KLRD1: variants seen among roughly 807,000 people sequenced by gnomAD.
KLRD1 encodes the protein natural killer cells antigen CD94.
Under a neutral mutation model 22.6 loss-of-function variants are expected in KLRD1, and 21 were observed. The observed-to-expected ratio is 0.93, with a 90% CI of 0.66 to 1.34. KLRD1 has a LOEUF of 1.34. Among genes scored for constraint, KLRD1 ranks in the 40% most tolerant of loss-of-function variants. The probability of loss-of-function intolerance (pLI) is 0.00; values close to 1 mark genes in which losing one functional copy is unlikely to be tolerated. For missense variants in KLRD1, 183 were observed against 208.6 expected (o/e 0.88, Z 0.76); for synonymous variants, 59 against 71.1 (o/e 0.83, Z 0.85).
At chr12:10,298,997 G>C (rs975564205) in intron 1 of KLRD1, among the ~76,000 whole-genome samples, 18 of 152,246 alleles carry the variant, frequency 1.2e-4, no homozygotes, top group Middle Eastern at 3.4e-3. Flanking sequence ...AGCTTACCCT[G>C]GTCCTGCCCC....
intron 1 of KLRD1, among the ~76,000 whole-genome samples, chr12:10,253,598 T>A (rs893851502): frequency 6.6e-6 from 1 of 152,150 alleles, no homozygotes; most frequent in Non-Finnish European, 1.5e-5. Flanking sequence ...GACCATGGTG[T>A]CTGTGATTTC....
chr12:10,239,518 CCTTTCTTTCTTTCTTTCTTT>C (rs55671846), intron 1 of KLRD1, among the ~76,000 whole-genome samples: 877 of 59,430 alleles, frequency 0.015, 14 homozygotes, highest in South Asian at 0.03. Context: ...CCTTCCCTCC[CCTTTCTTTCTTTCTTTCTTT>C]CTTTCTTTCT....
At chr12:10,239,480 TC>T (rs367758472) in intron 1 of KLRD1, among the ~76,000 whole-genome samples, 8 of 85,654 alleles carry the variant, frequency 9.3e-5, no homozygotes, top group East Asian at 2.8e-4. Flanking sequence ...CTTCCTTCCT[TC>T]CTTCTTCCTT....
intron 1 of KLRD1, among the ~76,000 whole-genome samples, chr12:10,267,572 CAT>C (rs1949511692): frequency 6.6e-6 from 1 of 152,120 alleles, no homozygotes; most frequent in Non-Finnish European, 1.5e-5. Flanking sequence ...TAATTATACA[CAT>C]GAGACTGGAA....
intron 1 of KLRD1, among the ~76,000 whole-genome samples, chr12:10,241,839 T>G (rs1285787254): frequency 6.6e-6 from 1 of 152,168 alleles, no homozygotes; most frequent in Non-Finnish European, 1.5e-5. Flanking sequence ...TTGTACTGTT[T>G]ACTAAAGTAC....
rs1238260930 is a variant in KLRD1 at position 10,322,781 on chromosome 12, A to G, written c.*7988A>G. 3.3e-5 allele frequency: 5 copies of G among 152,198 alleles called. No homozygotes were observed. The highest frequency in any genetic ancestry group is 1.2e-4 in the African/African-American group (5 of 41,458). 9.4% of individuals were successfully genotyped at this position (152,198 alleles called of 1,614,324 possible). A position where few individuals can be genotyped will look rare whatever the true frequency, so the allele number is the denominator to read the frequency against. On this transcript the variant is annotated 3_prime_UTR_variant, in exon 6 of 6. Transcript: ENST00000336164. ...CTTACACGATTACTACCAGATTGCA[A>G]TAGAGACTACCTACCACCACCAAGA...
At chr12:10,264,538 G>A (rs377014163) in intron 1 of KLRD1, among the ~76,000 whole-genome samples, 102 of 152,130 alleles carry the variant, frequency 6.7e-4, no homozygotes, top group African/African-American at 2.5e-3. Flanking sequence ...TTATCGAATT[G>A]TATTATTTTC....
intron 1 of KLRD1, among the ~76,000 whole-genome samples, chr12:10,260,941 C>T (rs1046939067): frequency 7.7e-6 from 1 of 129,156 alleles, no homozygotes; most frequent in Non-Finnish European, 1.6e-5. Context: ...GACTCCATCA[C>T]AAAAAACAAC....
rs969341523 is a variant in KLRD1, at chr12:10,315,000, A to T, written c.*207A>T. On this transcript the variant is annotated 3_prime_UTR_variant, in exon 6 of 6. Coordinates refer to ENST00000336164, the MANE Select transcript of KLRD1 (RefSeq NM_002262.5). ...CCTACATTTGAGAATTATAAAATTA[A>T]CATAAAGAATTTTGTATTTTCATTT... 13 of 392,496 alleles carry T rather than the reference A, an allele frequency of 3.3e-5. No individual in the cohort carries two copies. Among genetic ancestry groups the T allele is most frequent in the African/African-American group, 2.1e-4 (10 of 46,554 alleles). The allele number at this position is 392,496 out of a possible 1,614,324, so 24.3% of individuals were successfully genotyped here.
chr12:10,282,965 A>T (rs1049236693), intron 1 of KLRD1, among the ~76,000 whole-genome samples: 3 of 152,236 alleles, frequency 2.0e-5, no homozygotes, highest in African/African-American at 7.2e-5. Context: ...ACAAGAGTGT[A>T]GTAGATATTA....
At chr12:10,312,850 G>A (rs1950122394) in intron 4 of KLRD1, among the ~76,000 whole-genome samples, 1 of 151,640 alleles carries the variant, frequency 6.6e-6, no homozygotes. Context: ...AGCCGGGCGT[G>A]GTGGCGGGCG....
chr12:10,324,900 C>T lies in KLRD1; in HGVS notation c.*10107C>T, dbSNP rs574138896. 39 of 140,506 alleles carry T rather than the reference C, an allele frequency of 2.8e-4. No individual in the cohort carries two copies. The highest frequency in any genetic ancestry group is 9.8e-4 in the African/African-American group (38 of 38,946). 8.7% of individuals were successfully genotyped at this position (140,506 alleles called of 1,614,324 possible). A position where few individuals can be genotyped will look rare whatever the true frequency, so the allele number is the denominator to read the frequency against. On this transcript the variant is annotated 3_prime_UTR_variant, in exon 6 of 6. Coordinates refer to ENST00000336164, the MANE Select transcript of KLRD1 (RefSeq NM_002262.5). ...TTATTGTTTAACCTGCCTAAATTCA[C>T]TTATCCTAGCAGCATTTCTGTAGAT...
At chr12:10,245,130 A>C (rs1046182492) in intron 1 of KLRD1, among the ~76,000 whole-genome samples, 1 of 151,970 alleles carries the variant, frequency 6.6e-6, no homozygotes, top group Non-Finnish European at 1.5e-5. Flanking sequence ...GGCCAAGGTG[A>C]GTGGATTACA....
Position 10,248,759 on chromosome 12 carries a change from G to A in KLRD1, c.-101+22526G>A, listed in dbSNP as rs554256616. On this transcript the variant is annotated intron_variant, in intron 1 of 5. Transcript: ENST00000544747. ...ATTACAGGTGCCCGCCACCACACCCGGCTACTTTTTGTATTTTTAGTAGAG... is the reference window on the plus strand; with the variant it reads ...ATTACAGGTGCCCGCCACCACACCCAGCTACTTTTTGTATTTTTAGTAGAG... 1.1e-4 allele frequency among the ~76,000 whole-genome samples: 17 copies of A among 151,528 alleles called. No homozygotes were observed. In the East Asian group the frequency reaches 2.9e-3, roughly 26 times the overall value.
At chr12:10,256,743 T>C (rs1188214078) in intron 1 of KLRD1, among the ~76,000 whole-genome samples, 1 of 152,024 alleles carries the variant, frequency 6.6e-6, no homozygotes, top group Admixed American at 6.6e-5. Context: ...CACCAAAATC[T>C]TAATGATGTT....
intron 1 of KLRD1, among the ~76,000 whole-genome samples, chr12:10,241,764 A>G (rs1343085737): frequency 6.6e-6 from 1 of 152,186 alleles, no homozygotes; most frequent in African/African-American, 2.4e-5. Context: ...ATTTGTTTAT[A>G]TATGTGTATG....
chr12:10,279,976 G>A lies in KLRD1; in HGVS notation c.-100-28002G>A, dbSNP rs144497496. On this transcript the variant is annotated intron_variant, in intron 1 of 5. Coordinates refer to the KLRD1 transcript ENST00000544747. ...CTGTTAAGTAAAACCTACTGCTTCT[G>A]GGCCAGATACACAGATTTGACTTTC... 3.7e-3 allele frequency among the ~76,000 whole-genome samples: 562 copies of A among 152,278 alleles called. 2 individuals carry two copies. Among genetic ancestry groups the A allele is most frequent in the African/African-American group, 0.012 (508 of 41,546 alleles).
intron 1 of KLRD1, among the ~76,000 whole-genome samples, chr12:10,240,801 A>C (rs958345570): frequency 6.6e-6 from 1 of 152,216 alleles, no homozygotes; most frequent in Non-Finnish European, 1.5e-5. Flanking sequence ...GTTTTTAAGT[A>C]AATTATACAG....
intron 3 of KLRD1, among the ~76,000 whole-genome samples, chr12:10,310,162 A>G (rs1342720748): frequency 6.6e-6 from 1 of 152,330 alleles, no homozygotes; most frequent in Admixed American, 6.5e-5. Context: ...TCCAGGCTGG[A>G]GTGCAGTGGC....
Sources: gnomAD v4.1 joint callset for allele counts (sites outside exome capture counted in the v4.1 genomes callset) on GRCh38, gnomAD v4.1.1 for gene constraint, MANE v1.5 for transcripts, NCBI Gene and HGNC (gene_info 2026-07-23, HGNC 2026-07-21) for gene names.